The following ENPP5 variants were observed in gnomAD, a reference collection of about 807,000 sequenced individuals.
The protein encoded by ENPP5 is ectonucleotide pyrophosphatase/phosphodiesterase family member 5.
ENPP5 carries 27 observed loss-of-function variants against 33.7 expected under a neutral mutation model. That is an observed-to-expected ratio of 0.80 (90% confidence interval 0.59 to 1.11). ENPP5 has a LOEUF of 1.11. Among genes scored for constraint, ENPP5 ranks in the 50% least tolerant of loss-of-function variants. The pLI is 0.00. For synonymous variants in ENPP5, 199 were observed against 200.5 expected (o/e 0.99, Z 0.06); for missense variants, 552 against 579.2 (o/e 0.95, Z 0.48).
At chr6:46,164,239 CA>C (rs1764470861) in intron 4 of ENPP5, among the ~76,000 whole-genome samples, 1 of 152,104 alleles carries the variant, frequency 6.6e-6, no homozygotes, top group Admixed American at 6.5e-5. Flanking sequence ...TGAACGCAAA[CA>C]AATTTACAAG....
Position 46,170,963 on chromosome 6 carries a change from G to C in ENPP5, c.-253C>G, listed in dbSNP as rs781636396. 2 of 152,286 alleles carry C rather than the reference G, an allele frequency of 1.3e-5. No individual in the cohort carries two copies. The highest frequency in any genetic ancestry group is 2.9e-5 in the Non-Finnish European group (2 of 68,154). 9.4% of individuals were successfully genotyped at this position (152,286 alleles called of 1,614,324 possible). On this transcript the variant is annotated 5_prime_UTR_variant, in exon 1 of 5. Coordinates refer to ENST00000371383, the MANE Select transcript of ENPP5 (RefSeq NM_001290072.2). Reference sequence around the variant, plus strand: ...GCTCACCTGCGCTCAACTCTGGAGCGGAGCACCTGACCGCGCCGCTTCCCC... The same window carrying C: ...GCTCACCTGCGCTCAACTCTGGAGCCGAGCACCTGACCGCGCCGCTTCCCC...
At position 46,161,289 on chromosome 6, in the gene ENPP5, T is replaced by C; in HGVS notation, c.*37A>G. The C allele has an allele frequency of 6.5e-7, 1 of 1,535,076 alleles. No individual in the cohort carries two copies. The highest frequency in any genetic ancestry group is 8.9e-7 in the Non-Finnish European group (1 of 1,127,022). On this transcript the variant is annotated 3_prime_UTR_variant, in exon 5 of 5. Coordinates refer to ENST00000371383, the MANE Select transcript of ENPP5 (RefSeq NM_001290072.2). ...TTTAAACACTGACATAATTATGGAA[T>C]CTCCACTTCAATATGCAAATCCACT...
intron 2 of ENPP5, among the ~76,000 whole-genome samples, chr6:46,169,515 C>T (rs1764672341): frequency 6.6e-6 from 1 of 152,024 alleles, no homozygotes; most frequent in African/African-American, 2.4e-5. Context: ...GCCTCAGTCT[C>T]CCAAGTAGCT....
chr6:46,164,192 A>G (rs566278821), intron 4 of ENPP5, among the ~76,000 whole-genome samples: 1 of 152,290 alleles, frequency 6.6e-6, no homozygotes, highest in Non-Finnish European at 1.5e-5. Context: ...TTCGCAACCT[A>G]CTCATCTGAC....
At chr6:46,163,019 T>C (rs927524883) in intron 4 of ENPP5, among the ~76,000 whole-genome samples, 1 of 152,218 alleles carries the variant, frequency 6.6e-6, no homozygotes, top group East Asian at 1.9e-4. Flanking sequence ...AATTAAGTCA[T>C]TGTGACTTAT....
rs777614014 is a variant in ENPP5 at position 46,168,105 on chromosome 6, T to C, written c.158A>G (p.Tyr53Cys). The C allele has an allele frequency of 1.9e-6, 3 of 1,613,954 alleles. No homozygotes were observed. The East Asian group carries it at 6.7e-5, about 36-fold the overall frequency. ...LYKVPTPHFHYIMKYGVHVKQ... is the reference protein window; with the variant it reads ...LYKVPTPHFHCIMKYGVHVKQ... ...CACGTGAACACCATATTTCATAATA[T>C]AATGAAAATGGGGCGTTGGAACTTT... The change falls in exon 3 of 5, where the codon TAT (tyrosine) becomes TGT (cysteine). Residue 53 changes from tyrosine (Y) to cysteine (C), a missense_variant. By Grantham distance (194) the Tyr-to-Cys change is radical. Transcript: ENST00000371383.
At position 46,168,173 on chromosome 6, in the gene ENPP5, A is replaced by G. The variant is rs751154937; in HGVS notation, c.90T>C (p.Val30=). The G allele has an allele frequency of 1.2e-5, 19 of 1,613,278 alleles. No individual in the cohort carries two copies. The highest frequency in any genetic ancestry group is 1.6e-5 in the Non-Finnish European group (19 of 1,179,366). ...TFSLQPDQQK[V]LLVSFDGFRW... ...GGAATCCATCAAAAGAAACTAGTAGAACCTTTTGCTGGTCTGGTTGGAGAG... is the reference window on the plus strand; with the variant it reads ...GGAATCCATCAAAAGAAACTAGTAGGACCTTTTGCTGGTCTGGTTGGAGAG... Residue 30 remains valine, a synonymous_variant, in exon 3 of 5, where the codon GTT becomes GTC. Coordinates refer to ENST00000371383, the MANE Select transcript of ENPP5 (RefSeq NM_001290072.2).
chr6:46,162,954 T>C (rs1469618688), intron 4 of ENPP5, among the ~76,000 whole-genome samples: 1 of 152,220 alleles, frequency 6.6e-6, no homozygotes, highest in Non-Finnish European at 1.5e-5. Flanking sequence ...CTCTCACTCA[T>C]GAAGGCAAAG....
At chr6:46,169,322 T>G (rs1307581121) in intron 2 of ENPP5, among the ~76,000 whole-genome samples, 2 of 152,118 alleles carry the variant, frequency 1.3e-5, no homozygotes, top group Non-Finnish European at 2.9e-5. Flanking sequence ...CCACCAAAAC[T>G]TAGATCAAAC....
rs1293000273 is a variant in ENPP5 at position 46,167,863 on chromosome 6, T to A, written c.400A>T (p.Ser134Cys). The change falls in exon 3 of 5, where the codon AGT becomes TGT. Residue 134 changes from serine (S) to cysteine (C), a missense_variant. Physicochemically the swap from Ser to Cys is moderately radical, Grantham distance 112 (BLOSUM62 -1). Coordinates refer to ENST00000371383, the MANE Select transcript of ENPP5 (RefSeq NM_001290072.2). ...GTTCCGGGCCACATGGCTGCACCAC[T>A]AGTATGTCCTGCCCTCTGGTTTGTG... is the stretch of plus-strand genomic sequence containing the variant. ...WITNQRAGHT[S>C]GAAMWPGTDV... 10 of 1,614,102 alleles carry A rather than the reference T, an allele frequency of 6.2e-6. No homozygotes were observed. The highest frequency in any genetic ancestry group is 7.6e-6 in the Non-Finnish European group (9 of 1,180,060).
intron 3 of ENPP5, 51 bp downstream of exon 3, chr6:46,167,383 T>A (rs1458199734): frequency 8.2e-7 from 1 of 1,212,448 alleles, no homozygotes; most frequent in Admixed American, 1.9e-5. Flanking sequence ...TTGATCACAC[T>A]GGGCAAATGC....
At chr6:46,165,601 C>T (rs766397579) in intron 3 of ENPP5, 38 bp from the exon 4 acceptor site, 2 of 1,429,584 alleles carry the variant, frequency 1.4e-6, no homozygotes, top group Admixed American at 2.6e-5. Flanking sequence ...GAACAAAATA[C>T]TCATAGCTAC....
At chr6:46,167,377 T>C in intron 3 of ENPP5, 57 bp downstream of exon 3, 1 of 1,120,242 alleles carries the variant, frequency 8.9e-7, no homozygotes, top group African/African-American at 1.5e-5. Flanking sequence ...GTTCATTTGA[T>C]CACACTGGGC....
rs6926570 is a variant in ENPP5 at position 46,167,752 on chromosome 6, T to C, written c.511A>G (p.Ile171Val). 828,474 of 1,613,600 alleles carry C rather than the reference T, an allele frequency of 0.51. 218,409 individuals carry two copies. Among genetic ancestry groups the C allele is most frequent in the South Asian group, 0.67 (61,234 of 91,054 alleles). ...GGCTCTTTTGACGTAAACCATTCAA[T>C]AATTTTGGCAACTCTATCTTCAAAT... is the stretch of plus-strand genomic sequence containing the variant. ...VSFEDRVAKI[I>V]EWFTSKEPIN... is the part of the protein sequence containing the mutation. Residue 171 changes from isoleucine to valine, a missense_variant, in exon 3 of 5, where the codon ATT (isoleucine) becomes GTT (valine). Transcript: ENST00000371383.
chr6:46,167,582 C>T lies in ENPP5; in HGVS notation c.681G>A (p.Leu227=), dbSNP rs35570105. Residue 227 remains leucine, a synonymous_variant, in exon 3 of 5, where the codon TTG becomes TTA. Transcript: ENST00000371383. ...TGATGATTAGGTTCAGAGTGTTCCA[C>T]AACTTTGCCTTTTTCAGCATTTGTA... ...YLIQMLKKAK[L]WNTLNLIITS... 10,216 of 1,614,190 alleles carry T rather than the reference C, an allele frequency of 6.3e-3. 51 individuals carry two copies. The highest frequency in any genetic ancestry group is 8.1e-3 in the Non-Finnish European group (9,531 of 1,180,020).
In ENPP5 at chr6:46,168,312, T is replaced by A; in HGVS notation, c.-35-15A>T. 1 of 1,228,962 alleles carries A rather than the reference T, an allele frequency of 8.1e-7. No homozygotes were observed. Among genetic ancestry groups the A allele is most frequent in the Non-Finnish European group, 1.1e-6 (1 of 880,018 alleles). The allele number at this position is 1,228,962 out of a possible 1,614,324, so 76.1% of individuals were successfully genotyped here. A position where few individuals can be genotyped will look rare whatever the true frequency, so the allele number is the denominator to read the frequency against. ...TGTAAGATAATCTGTAGAATAAACA[T>A]ATAGAAATTAAAGGCAATAATTTTG... is the stretch of plus-strand genomic sequence containing the variant. On this transcript the variant is annotated splice_polypyrimidine_tract_variant and intron_variant, in intron 2 of 4. Coordinates refer to ENST00000371383, the MANE Select transcript of ENPP5 (RefSeq NM_001290072.2).
intron 3 of ENPP5, among the ~76,000 whole-genome samples, chr6:46,166,369 C>G (rs1297392601): frequency 6.6e-6 from 1 of 151,406 alleles, no homozygotes; most frequent in Non-Finnish European, 1.5e-5. Context: ...TCATAGCTCA[C>G]TGTAACCTAG....
chr6:46,168,303 G>T lies in ENPP5; in HGVS notation c.-35-6C>A. The T allele has an allele frequency of 7.8e-7, 1 of 1,276,752 alleles. No individual in the cohort carries two copies. The highest frequency in any genetic ancestry group is 1.1e-6 in the Non-Finnish European group (1 of 917,568). The allele number at this position is 1,276,752 out of a possible 1,614,324, so 79.1% of individuals were successfully genotyped here. A position where few individuals can be genotyped will look rare whatever the true frequency, so the allele number is the denominator to read the frequency against. On this transcript the variant is annotated splice_region_variant and splice_polypyrimidine_tract_variant and intron_variant, in intron 2 of 4. Transcript: ENST00000371383. Reference sequence around the variant, plus strand: ...TCAGTTCAGTGTAAGATAATCTGTAGAATAAACATATAGAAATTAAAGGCA... The same window carrying T: ...TCAGTTCAGTGTAAGATAATCTGTATAATAAACATATAGAAATTAAAGGCA...
Position 46,167,586 on chromosome 6 carries a change from T to G in ENPP5, c.677A>C (p.Lys226Thr). 1 of 1,614,248 alleles carries G rather than the reference T, an allele frequency of 6.2e-7. No individual in the cohort carries two copies. Among genetic ancestry groups the G allele is most frequent in the Non-Finnish European group, 8.5e-7 (1 of 1,180,034 alleles). The change falls in exon 3 of 5, where the codon AAG becomes ACG. Residue 226 changes from lysine to threonine, a missense_variant. Transcript: ENST00000371383. ...GATTAGGTTCAGAGTGTTCCACAAC[T>G]TTGCCTTTTTCAGCATTTGTATGAG... ...GYLIQMLKKA[K>T]LWNTLNLIIT...
Sources: gnomAD v4.1 joint callset for allele counts (sites outside exome capture counted in the v4.1 genomes callset) on GRCh38, gnomAD v4.1.1 for gene constraint, MANE v1.5 for transcripts, NCBI Gene and HGNC (gene_info 2026-07-23, HGNC 2026-07-21) for gene names.